MYCBP2: variants seen among roughly 807,000 people sequenced by gnomAD.
MYCBP2 encodes MYC binding protein 2.
MYCBP2 carries 120 observed loss-of-function variants against 525.3 expected under a neutral mutation model. That is an observed-to-expected ratio of 0.23 (90% confidence interval 0.20 to 0.27). The LOEUF is 0.27. Ranked by LOEUF, MYCBP2 falls within the 10% of genes least tolerant of loss-of-function variation. The pLI is 1.00. For missense variants in MYCBP2, 4,149 were observed against 5,657.1 expected, an observed-to-expected ratio of 0.73 and a Z score of 8.55; for synonymous variants, 1,894 against 1,955.8, an observed-to-expected ratio of 0.97 and a Z score of 0.83.
At chr13:77,174,928 T>TTTTAA (rs2059521885) in intron 36 of MYCBP2, among the ~76,000 whole-genome samples, 4 of 19,226 alleles carry the variant, frequency 2.1e-4, no homozygotes, top group South Asian at 2.8e-3. Flanking sequence ...ATTATATATA[T>TTTTAA]ATAATATATA....
intron 2 of MYCBP2, among the ~76,000 whole-genome samples, chr13:77,294,105 T>TATATAC (rs1555465457): frequency 3.3e-3 from 26 of 7,936 alleles, no homozygotes; most frequent in Non-Finnish European, 6.3e-3. Context: ...ATATAATGGC[T>TATATAC]ATATATATAT....
chr13:77,213,984 C>T (rs1341517826), intron 21 of MYCBP2, among the ~76,000 whole-genome samples: 1 of 152,186 alleles, frequency 6.6e-6, no homozygotes, highest in Non-Finnish European at 1.5e-5. Flanking sequence ...AGAAGGAGGA[C>T]AGAGGCGTGT....
chr13:77,121,462 G>A lies in MYCBP2; in HGVS notation c.8051C>T (p.Pro2684Leu), dbSNP rs765030132. 1 of 1,581,254 alleles carries A rather than the reference G, an allele frequency of 6.3e-7. No individual in the cohort carries two copies. The highest frequency in any genetic ancestry group is 2.3e-5 in the East Asian group (1 of 44,350). Residue 2684 changes from proline (P) to leucine (L), a missense_variant, in exon 55 of 83, where the codon CCT becomes CTT. By Grantham distance (98) the Pro-to-Leu change is moderately conservative. Transcript: ENST00000544440. ...QALLDQNSQT[P>L]PPSPFSVQAF... is the part of the protein sequence containing the mutation. ...TTGCACTGAGAAAGGGCTTGGAGGA[G>A]GAGTTTGAGAATTCTGATCCAGAAG...
rs768543874 is a variant in MYCBP2, at chr13:77,251,297, A to C, written c.2235T>G (p.Asp745Glu). Reference sequence around the variant, plus strand: ...ACATCATAGACTTCTCATCTTTTTCATCTAGTTCTTCTTCCAGGTCTTCAT... The same window carrying C: ...ACATCATAGACTTCTCATCTTTTTCCTCTAGTTCTTCTTCCAGGTCTTCAT... ...AMDEDLEEELDEKDEKSMMCP... is the reference protein window; with the variant it reads ...AMDEDLEEELEEKDEKSMMCP... Residue 745 changes from aspartate to glutamate, a missense_variant, in exon 15 of 83, where the codon GAT becomes GAG. Coordinates refer to ENST00000544440, the MANE Select transcript of MYCBP2 (RefSeq NM_015057.5). The C allele has an allele frequency of 3.1e-6, 5 of 1,614,056 alleles. No homozygotes were observed. The highest frequency in any genetic ancestry group is 2.5e-6 in the Non-Finnish European group (3 of 1,180,032).
At chr13:77,191,625 T>G (rs1471975745) in intron 28 of MYCBP2, 54 bp downstream of exon 28, 1 of 1,584,692 alleles carries the variant, frequency 6.3e-7, no homozygotes, top group African/African-American at 1.3e-5. Flanking sequence ...TTCAAAACAA[T>G]ATTCCTCTAA....
At chr13:77,171,668 AT>A (rs1289369998) in intron 37 of MYCBP2, 34 bp from the exon 38 acceptor site, 3 of 1,603,514 alleles carry the variant, frequency 1.9e-6, no homozygotes, top group Non-Finnish European at 2.6e-6. Flanking sequence ...TTATTTTACA[AT>A]GGTAAGTAAA....
rs781259389 is a variant in MYCBP2 at position 77,056,979 on chromosome 13, T to C, written c.13437+7A>G. ...AGAAAGTACATGATTTCAGATTCTT[T>C]CCATACCTTGCAAATGGGACAAGAT... On this transcript the variant is annotated splice_region_variant and intron_variant, in intron 79 of 82. Transcript: ENST00000544440. 5.7e-6 allele frequency: 9 copies of C among 1,583,886 alleles called. No individual in the cohort carries two copies. Among genetic ancestry groups the C allele is most frequent in the Middle Eastern group, 1.7e-4 (1 of 6,032 alleles).
intron 28 of MYCBP2, 34 bp from the exon 29 acceptor site, chr13:77,190,369 A>C: frequency 1.6e-6 from 2 of 1,240,522 alleles, no homozygotes; most frequent in Non-Finnish European, 2.4e-6. Flanking sequence ...CAAAAACAAC[A>C]TGATCATTAC....
At chr13:77,143,932 C>A (rs1281270453) in intron 49 of MYCBP2, among the ~76,000 whole-genome samples, 2 of 152,218 alleles carry the variant, frequency 1.3e-5, no homozygotes, top group Admixed American at 1.3e-4. Context: ...CCATTATATA[C>A]GCTGTTCGTC....
chr13:77,051,866 T>C lies in MYCBP2; in HGVS notation c.13700A>G (p.Asp4567Gly). Residue 4567 changes from aspartate (D) to glycine (G), a missense_variant, in exon 81 of 83, where the codon GAT becomes GGT. By Grantham distance (94) the Asp-to-Gly change is moderately conservative. Coordinates refer to ENST00000544440, the MANE Select transcript of MYCBP2 (RefSeq NM_015057.5). ...ACAAATGAGCTCTCTGGGATCATAA[T>C]CATCTCCCCGTCCAGCCTCAGCATC... ...RCDAEAGRGD[D>G]YDPRELICGA... The C allele has an allele frequency of 1.2e-6, 2 of 1,614,194 alleles. No individual in the cohort carries two copies. Among genetic ancestry groups the C allele is most frequent in the Non-Finnish European group, 1.7e-6 (2 of 1,180,048 alleles).
chr13:77,276,346 G>GA (rs1318757979), intron 4 of MYCBP2, among the ~76,000 whole-genome samples: 3 of 150,974 alleles, frequency 2.0e-5, no homozygotes, highest in East Asian at 1.9e-4. Context: ...AACCGAATGG[G>GA]AAAAAAAGGA....
intron 34 of MYCBP2, among the ~76,000 whole-genome samples, chr13:77,178,405 T>G (rs2059918513): frequency 6.6e-6 from 1 of 152,232 alleles, no homozygotes; most frequent in African/African-American, 2.4e-5. Context: ...CCAGACTATG[T>G]CCTCTCTCCT....
At chr13:77,231,388 A>G (rs931063430) in intron 18 of MYCBP2, among the ~76,000 whole-genome samples, 3 of 152,068 alleles carry the variant, frequency 2.0e-5, no homozygotes, top group Middle Eastern at 3.4e-3. Context: ...GTGCCACCAC[A>G]CTGGGCTTAT....
At chr13:77,239,247 T>C (rs1170061520) in intron 17 of MYCBP2, among the ~76,000 whole-genome samples, 1 of 152,184 alleles carries the variant, frequency 6.6e-6, no homozygotes, top group East Asian at 1.9e-4. Flanking sequence ...AATTCTGAAA[T>C]GTTAACACAG....
chr13:77,167,865 C>A (rs1299653112), intron 40 of MYCBP2, among the ~76,000 whole-genome samples: 1 of 152,092 alleles, frequency 6.6e-6, no homozygotes, highest in Non-Finnish European at 1.5e-5. Context: ...TAGTTTCTAC[C>A]ATGAAAAGTG....
chr13:77,276,816 G>GTTTTTTTTTTTTTTT (rs397851660), intron 4 of MYCBP2, among the ~76,000 whole-genome samples: 23 of 76,214 alleles, frequency 3.0e-4, no homozygotes, highest in African/African-American at 1.2e-3. Flanking sequence ...TCCATGCCCA[G>GTTTTTTTTTTTTTTT]TTTTTTTTTT....
chr13:77,177,494 G>T (rs1209754339), intron 35 of MYCBP2, among the ~76,000 whole-genome samples: 5 of 151,564 alleles, frequency 3.3e-5, no homozygotes, highest in Admixed American at 6.6e-5. Flanking sequence ...GGCGTGCGTT[G>T]TATTTTTCGT....
chr13:77,159,695 C>T (rs1242697384), intron 44 of MYCBP2, among the ~76,000 whole-genome samples: 1 of 152,124 alleles, frequency 6.6e-6, no homozygotes, highest in Non-Finnish European at 1.5e-5. Flanking sequence ...ACTTGCCTTG[C>T]TTCCCTTTTG....
rs750213355 is a variant in MYCBP2, at chr13:77,166,353, G to A, written c.6316C>T (p.Pro2106Ser). The change falls in exon 41 of 83, where the codon CCT becomes TCT. Residue 2106 changes from proline to serine, a missense_variant. This residue lies in a region of MYCBP2 where 692 missense variants were observed against 852.7 expected (regional missense o/e 0.81). Transcript: ENST00000544440. ...LKKFSGSSGW[P>S]TMVLVLPGNE... is the part of the protein sequence containing the mutation. ...CCTGGCAACACCAAAACCATAGTAG[G>A]CCACCCAGAGGATCCTGAAAATTTC... is the stretch of plus-strand genomic sequence containing the variant. 3 of 1,612,218 alleles carry A rather than the reference G, an allele frequency of 1.9e-6. No individual in the cohort carries two copies.
Sources: allele counts gnomAD v4.1 joint callset (sites outside exome capture counted in the v4.1 genomes callset), GRCh38; gene constraint gnomAD v4.1.1; regional missense constraint gnomAD v4.1.1; transcripts MANE v1.5; gene names NCBI Gene and HGNC (gene_info 2026-07-23, HGNC 2026-07-21).